Variants in TPD52 observed in about 807,000 individuals in gnomAD.
The protein encoded by TPD52 is prostate and colon associated protein.
TPD52 carries 17 observed loss-of-function variants against 31.3 expected under a neutral mutation model. The observed-to-expected ratio is 0.54, with a 90% CI of 0.37 to 0.82. The LOEUF (loss-of-function observed/expected upper bound fraction) is 0.82, where lower values mean the gene tolerates loss of function less well. TPD52 is among the 40% of genes least tolerant of loss of function. The probability of loss-of-function intolerance (pLI) is 0.00; values close to 1 mark genes in which losing one functional copy is unlikely to be tolerated. For missense variants in TPD52, 212 were observed against 240.1 expected, an observed-to-expected ratio of 0.88 and a Z score of 0.77; for synonymous variants, 83 against 89.6, an observed-to-expected ratio of 0.93 and a Z score of 0.42.
chr8:80,074,935 C>T (rs1814348468), intron 1 of TPD52, among the ~76,000 whole-genome samples: 1 of 152,112 alleles, frequency 6.6e-6, no homozygotes, highest in Non-Finnish European at 1.5e-5. Context: ...TAAGGGAAGA[C>T]CCAAGCTCCT....
chr8:80,120,007 G>C (rs1425560975), intron 1 of TPD52: 1 of 240,148 alleles, frequency 4.2e-6, no homozygotes, highest in African/African-American at 2.3e-5. Flanking sequence ...CTAAGAGACT[G>C]ACAAATTTGA....
Position 80,051,257 on chromosome 8 carries a change from A to G in TPD52, c.386+270T>C, listed in dbSNP as rs1288215818. 3 of 481,528 alleles carry G rather than the reference A, an allele frequency of 6.2e-6. No individual in the cohort carries two copies. The East Asian group carries it at 1.2e-4, about 19-fold the overall frequency. The allele number at this position is 481,528 out of a possible 1,614,324, so 29.8% of individuals were successfully genotyped here. A position where few individuals can be genotyped will look rare whatever the true frequency, so the allele number is the denominator to read the frequency against. The stretch of plus-strand genomic sequence containing the variant: ...GCAACCAAAGACATACTTACCCTGC[A>G]TGATCATGAAGAACTAAAAAGACAA... On this transcript the variant is annotated intron_variant, in intron 4 of 7. Coordinates refer to ENST00000518937, the MANE Select transcript of TPD52 (RefSeq NM_001025253.3).
intron 1 of TPD52, among the ~76,000 whole-genome samples, chr8:80,086,027 G>A (rs191857869): frequency 2.6e-5 from 4 of 151,204 alleles, no homozygotes; most frequent in Admixed American, 6.6e-5. Flanking sequence ...AACCTGAATC[G>A]AATCATGAGG....
chr8:80,121,660 G>A (rs1400439496), intron 1 of TPD52, among the ~76,000 whole-genome samples: 1 of 152,174 alleles, frequency 6.6e-6, no homozygotes, highest in Non-Finnish European at 1.5e-5. Context: ...AGTTCCTACT[G>A]TGATTACATT....
At chr8:80,083,463 C>T (rs939798541) in intron 1 of TPD52, among the ~76,000 whole-genome samples, 1 of 152,114 alleles carries the variant, frequency 6.6e-6, no homozygotes, top group African/African-American at 2.4e-5. Context: ...GGGGGCGGTT[C>T]CCCCATGCTC....
chr8:80,171,426 T>G lies in TPD52; in HGVS notation c.18A>C (p.Gln6His), dbSNP rs1012601128. 6.3e-7 allele frequency: 1 copy of G among 1,595,316 alleles called. No individual in the cohort carries two copies. The highest frequency in any genetic ancestry group is 1.3e-5 in the African/African-American group (1 of 74,082). The change falls in exon 1 of 8, where the codon CAA (glutamine) becomes CAC (histidine). Residue 6 changes from glutamine (Q) to histidine (H), a missense_variant and splice_region_variant. Coordinates refer to ENST00000518937, the MANE Select transcript of TPD52 (RefSeq NM_001025253.3). The part of the protein sequence containing the change: MDRGE[Q>H]GLLRTDPVPE... ...AGCCCGCTGGGTCCGCGCCCTCACC[T>G]TGCTCGCCGCGGTCCATGTCTCCAG...
At chr8:80,129,391 T>C (rs548492561) in intron 1 of TPD52, among the ~76,000 whole-genome samples, 13 of 152,196 alleles carry the variant, frequency 8.5e-5, no homozygotes, top group Non-Finnish European at 1.6e-4. Flanking sequence ...TCATGAAATT[T>C]ACATTTAAAA....
At chr8:80,063,026 T>A (rs914998124) in intron 2 of TPD52, among the ~76,000 whole-genome samples, 1 of 152,120 alleles carries the variant, frequency 6.6e-6, no homozygotes, top group Non-Finnish European at 1.5e-5. Flanking sequence ...TACCACATGA[T>A]GAAGCAATTC....
At chr8:80,033,965 G>A (rs1809760114), downstream of TPD52, among the ~76,000 whole-genome samples, 1 of 152,070 alleles carries the variant, frequency 6.6e-6, no homozygotes, top group African/African-American at 2.4e-5. Flanking sequence ...GCTTGAGGGT[G>A]GGGTTTCAAC....
intron 1 of TPD52, among the ~76,000 whole-genome samples, chr8:80,118,664 GCA>G (rs1002968916): frequency 2.0e-5 from 3 of 152,200 alleles, no homozygotes; most frequent in Non-Finnish European, 4.4e-5. Flanking sequence ...TGGTCAATTA[GCA>G]CACACAGTGA....
At chr8:80,135,496 G>A (rs999451144) in intron 1 of TPD52, among the ~76,000 whole-genome samples, 2 of 151,990 alleles carry the variant, frequency 1.3e-5, no homozygotes, top group Non-Finnish European at 2.9e-5. Context: ...TTAAGGCACT[G>A]GTTTTCCAAC....
intron 1 of TPD52, among the ~76,000 whole-genome samples, chr8:80,075,231 C>A (rs1484906329): frequency 6.6e-6 from 1 of 152,154 alleles, no homozygotes; most frequent in East Asian, 1.9e-4. Context: ...CCTGCCTCGG[C>A]CTCCCAAAGT....
rs78550821 is a variant in TPD52, at chr8:80,096,890, T to C, written c.20-32297A>G. 5.6e-3 allele frequency among the ~76,000 whole-genome samples: 846 copies of C among 152,152 alleles called. 8 individuals carry two copies. The highest frequency in any genetic ancestry group is 0.018 in the African/African-American group (753 of 41,484). On this transcript the variant is annotated intron_variant, in intron 1 of 7. Transcript: ENST00000518937. ...CTAGGTGTTCAAATGACAGGAAGAG[T>C]AGCACATCTTTCACTTTAAATCAAA...
At chr8:80,096,770 C>A (rs1816774526) in intron 1 of TPD52, among the ~76,000 whole-genome samples, 1 of 152,246 alleles carries the variant, frequency 6.6e-6, no homozygotes, top group East Asian at 1.9e-4. Flanking sequence ...CACAAACTGG[C>A]CATTCTCTCA....
intron 1 of TPD52, among the ~76,000 whole-genome samples, chr8:80,157,587 C>T (rs1053722839): frequency 1.8e-4 from 28 of 152,300 alleles, no homozygotes; most frequent in Non-Finnish European, 4.0e-4. Context: ...GTTAACAAAT[C>T]TAGAAGCTGC....
At chr8:80,069,339 A>G (rs1332398211) in intron 1 of TPD52, among the ~76,000 whole-genome samples, 4 of 151,980 alleles carry the variant, frequency 2.6e-5, no homozygotes, top group Non-Finnish European at 5.9e-5. Context: ...AGTGGCCTGC[A>G]CCTGTAGTCC....
chr8:80,050,933 G>C (rs760463057), intron 4 of TPD52, among the ~76,000 whole-genome samples: 3 of 151,588 alleles, frequency 2.0e-5, no homozygotes, highest in Non-Finnish European at 4.4e-5. Flanking sequence ...TGAGTGAAGG[G>C]GGGGCACAAA....
At chr8:80,149,255 G>GAT (rs1290420405) in intron 1 of TPD52, among the ~76,000 whole-genome samples, 9 of 152,124 alleles carry the variant, frequency 5.9e-5, no homozygotes, top group African/African-American at 2.2e-4. Context: ...AGTCTCATGA[G>GAT]ATCTGATGGT....
chr8:80,066,215 T>C (rs1315786221), intron 1 of TPD52, among the ~76,000 whole-genome samples: 1 of 152,186 alleles, frequency 6.6e-6, no homozygotes, highest in Non-Finnish European at 1.5e-5. Flanking sequence ...AATGAGATGA[T>C]GCTTATGTAC....
Sources: allele counts gnomAD v4.1 joint callset (sites outside exome capture counted in the v4.1 genomes callset), GRCh38; gene constraint gnomAD v4.1.1; transcripts MANE v1.5; gene names NCBI Gene and HGNC (gene_info 2026-07-23, HGNC 2026-07-21).